ZNF385B: variants seen among roughly 807,000 people sequenced by gnomAD.
The protein encoded by ZNF385B is zinc finger protein 533.
In ZNF385B, 23 loss-of-function variants were observed where a neutral mutation model predicts 39.2. That is an observed-to-expected ratio of 0.59 (90% CI 0.42 to 0.83). The LOEUF (loss-of-function observed/expected upper bound fraction) is 0.83. Ranked by LOEUF, ZNF385B falls within the 40% of genes least tolerant of loss-of-function variation. ZNF385B has a pLI of 0.00. For missense variants in ZNF385B, 552 were observed against 598.9 expected (o/e 0.92, Z 0.82); for synonymous variants, 205 against 222.6 (o/e 0.92, Z 0.70).
intron 1 of ZNF385B, among the ~76,000 whole-genome samples, chr2:179,806,720 TG>T (rs780193898): frequency 1.3e-5 from 2 of 152,178 alleles, no homozygotes; most frequent in East Asian, 3.9e-4. Flanking sequence ...AGCCACAAAA[TG>T]GTGGCAAGCC....
At position 179,483,363 on chromosome 2, in the gene ZNF385B, A is replaced by C. The variant is rs1325386918; in HGVS notation, c.624T>G (p.Asn208Lys). 6.2e-7 allele frequency: 1 copy of C among 1,613,954 alleles called. No homozygotes were observed. Among genetic ancestry groups the C allele is most frequent in the East Asian group, 2.2e-5 (1 of 44,862 alleles). The change falls in exon 6 of 10, where the codon AAT becomes AAG. Residue 208 changes from asparagine to lysine, a missense_variant. Asn to Lys is a moderately conservative substitution (Grantham distance 94, BLOSUM62 0). Coordinates refer to ENST00000410066, the MANE Select transcript of ZNF385B (RefSeq NM_152520.6). ...CCTTGGAAGGAACCATTTTGGGTTT[A>C]TTTTTCGTTGCGTCTAGTGCTTTGA... The part of the protein sequence containing the change: ...KKVKALDATK[N>K]KPKMVPSKDS...
chr2:179,519,685 T>C (rs1029404996), intron 4 of ZNF385B, among the ~76,000 whole-genome samples: 2 of 152,174 alleles, frequency 1.3e-5, no homozygotes, highest in Non-Finnish European at 2.9e-5. Flanking sequence ...CAACTGGTAG[T>C]TCAAAAAACA....
At chr2:179,493,507 A>G (rs2055524311) in intron 5 of ZNF385B, among the ~76,000 whole-genome samples, 1 of 151,528 alleles carries the variant, frequency 6.6e-6, no homozygotes. Context: ...GTGTACATAT[A>G]TGCGTATACA....
At chr2:179,852,416 T>C (rs750593936) in intron 1 of ZNF385B, among the ~76,000 whole-genome samples, 1 of 152,126 alleles carries the variant, frequency 6.6e-6, no homozygotes, top group Non-Finnish European at 1.5e-5. Flanking sequence ...TGAAACTCTA[T>C]GTAGTCATAA....
At chr2:179,642,054 G>A (rs1427102072) in intron 3 of ZNF385B, among the ~76,000 whole-genome samples, 6 of 152,044 alleles carry the variant, frequency 3.9e-5, no homozygotes, top group Non-Finnish European at 8.8e-5. Flanking sequence ...ATATGAAACT[G>A]ACGACTGATT....
intron 3 of ZNF385B, among the ~76,000 whole-genome samples, chr2:179,653,431 A>C (rs948824330): frequency 6.6e-6 from 1 of 152,172 alleles, no homozygotes; most frequent in African/African-American, 2.4e-5. Context: ...AGCTCTTAAT[A>C]AACTTAGGCA....
intron 1 of ZNF385B, among the ~76,000 whole-genome samples, chr2:179,798,898 G>A (rs1190347831): frequency 6.6e-6 from 1 of 151,760 alleles, no homozygotes; most frequent in East Asian, 1.9e-4. Context: ...CTACATAAAA[G>A]GTTTTATTCA....
intron 1 of ZNF385B, among the ~76,000 whole-genome samples, chr2:179,777,903 G>A (rs896250449): frequency 6.6e-6 from 1 of 151,882 alleles, no homozygotes; most frequent in Non-Finnish European, 1.5e-5. Flanking sequence ...CTCATGAGTA[G>A]CTGGAATTAC....
At chr2:179,510,238 T>A (rs1574520095) in intron 5 of ZNF385B, among the ~76,000 whole-genome samples, 1 of 152,234 alleles carries the variant, frequency 6.6e-6, no homozygotes, top group Admixed American at 6.5e-5. Flanking sequence ...TGTATATATA[T>A]GTGAATGTTC....
At chr2:179,682,194 T>C (rs1013584826) in intron 3 of ZNF385B, among the ~76,000 whole-genome samples, 2 of 152,214 alleles carry the variant, frequency 1.3e-5, no homozygotes, top group African/African-American at 4.8e-5. Flanking sequence ...CTTTTACTTA[T>C]TATAGTGTTC....
Position 179,450,433 on chromosome 2 carries a change from G to A in ZNF385B, c.716-3663C>T, listed in dbSNP as rs191249373. On this transcript the variant is annotated intron_variant, in intron 6 of 9. Coordinates refer to ENST00000410066, the MANE Select transcript of ZNF385B (RefSeq NM_152520.6). ...AAACAAACAACCCCATCAAAAAGTG[G>A]GCGAAGGATATGAACAGACACTTCT... Among the ~76,000 whole-genome samples, 336 of 152,196 alleles carry A rather than the reference G, an allele frequency of 2.2e-3. 3 individuals are homozygous for A. Among genetic ancestry groups the A allele is most frequent in the Admixed American group, 0.014 (221 of 15,286 alleles).
At chr2:179,802,328 T>C (rs977969567) in intron 1 of ZNF385B, among the ~76,000 whole-genome samples, 1 of 152,126 alleles carries the variant, frequency 6.6e-6, no homozygotes, top group Non-Finnish European at 1.5e-5. Flanking sequence ...ATTCCTTAGC[T>C]TCACCTCTTT....
At chr2:179,675,284 C>T (rs1696597887) in intron 3 of ZNF385B, among the ~76,000 whole-genome samples, 1 of 152,102 alleles carries the variant, frequency 6.6e-6, no homozygotes, top group Non-Finnish European at 1.5e-5. Flanking sequence ...CCTTAGTCGT[C>T]CTCATGTAGA....
At chr2:179,662,681 C>A (rs759052413) in intron 3 of ZNF385B, among the ~76,000 whole-genome samples, 6 of 152,118 alleles carry the variant, frequency 3.9e-5, no homozygotes, top group Non-Finnish European at 7.4e-5. Flanking sequence ...CCATGGATGT[C>A]TATTTAAGTG....
intron 6 of ZNF385B, among the ~76,000 whole-genome samples, chr2:179,474,653 A>G (rs2053210882): frequency 6.6e-6 from 1 of 152,116 alleles, no homozygotes; most frequent in African/African-American, 2.4e-5. Flanking sequence ...TATTAAAATT[A>G]TTTTTTGCAT....
intron 3 of ZNF385B, among the ~76,000 whole-genome samples, chr2:179,759,088 CA>C (rs1164761087): frequency 1.3e-5 from 2 of 152,102 alleles, no homozygotes; most frequent in Non-Finnish European, 2.9e-5. Context: ...CACTTTTCTC[CA>C]TTCTCTTTGC....
At chr2:179,462,747 C>T (rs999010573) in intron 6 of ZNF385B, among the ~76,000 whole-genome samples, 7 of 152,076 alleles carry the variant, frequency 4.6e-5, no homozygotes, top group Non-Finnish European at 7.4e-5. Context: ...TGGGACTACA[C>T]CTATCTAAAG....
chr2:179,711,024 G>C (rs899565816), intron 3 of ZNF385B, among the ~76,000 whole-genome samples: 1 of 152,196 alleles, frequency 6.6e-6, no homozygotes, highest in Non-Finnish European at 1.5e-5. Flanking sequence ...CCCCACTGTG[G>C]GGTAGGCTGT....
intron 3 of ZNF385B, among the ~76,000 whole-genome samples, chr2:179,731,658 A>G (rs1701398906): frequency 6.6e-6 from 1 of 152,178 alleles, no homozygotes; most frequent in Non-Finnish European, 1.5e-5. Context: ...GTGGTGCCTC[A>G]TGCCTGTATT....
Sources: gnomAD v4.1 joint callset for allele counts (sites outside exome capture counted in the v4.1 genomes callset) on GRCh38, gnomAD v4.1.1 for gene constraint, MANE v1.5 for transcripts, NCBI Gene and HGNC (gene_info 2026-07-23, HGNC 2026-07-21) for gene names.